TASOR: variants seen among roughly 807,000 people sequenced by gnomAD.
TASOR encodes the protein transcription activation suppressor, also known as protein TASOR.
Under a neutral mutation model 178.6 loss-of-function variants are expected in TASOR, and 53 were observed. That is an observed-to-expected ratio of 0.30 (90% CI 0.24 to 0.37). The LOEUF (loss-of-function observed/expected upper bound fraction) is 0.37, where lower values mean the gene tolerates loss of function less well. TASOR is among the 10% of genes least tolerant of loss of function. TASOR has a pLI of 1.00. For missense variants in TASOR, 1,815 were observed against 1,971.4 expected (o/e 0.92, Z 1.50); for synonymous variants, 713 against 696.2 (o/e 1.02, Z -0.38).
chr3:56,654,456 A>G (rs1248484084), intron 11 of TASOR, among the ~76,000 whole-genome samples: 2 of 152,100 alleles, frequency 1.3e-5, no homozygotes, highest in Non-Finnish European at 2.9e-5. Flanking sequence ...ATATTGGAAA[A>G]CTATAAATAT....
intron 18 of TASOR, among the ~76,000 whole-genome samples, chr3:56,630,755 G>A (rs1025788838): frequency 2.0e-5 from 3 of 152,196 alleles, no homozygotes; most frequent in African/African-American, 7.2e-5. Context: ...TGAGGCAGGA[G>A]AATTGCTTGA....
At chr3:56,636,371 A>T (rs1293521643) in intron 17 of TASOR, among the ~76,000 whole-genome samples, 2 of 151,908 alleles carry the variant, frequency 1.3e-5, no homozygotes, top group African/African-American at 4.8e-5. Flanking sequence ...ATGTCAATCC[A>T]TAATAAAGCT....
intron 23 of TASOR, chr3:56,623,964 T>G (rs2076743992): frequency 2.7e-6 from 2 of 749,982 alleles, no homozygotes; most frequent in Admixed American, 6.8e-5. Context: ...CATTTCTGCT[T>G]TTTTTCATCA....
chr3:56,640,315 T>C (rs558494821), intron 15 of TASOR, among the ~76,000 whole-genome samples, 185 bp from the exon 16 acceptor site: 62 of 152,364 alleles, frequency 4.1e-4, no homozygotes, highest in Non-Finnish European at 7.6e-4. Context: ...CATAATTTTA[T>C]GTTAATTTAG....
chr3:56,670,261 T>C (rs1378208713), intron 3 of TASOR, 116 bp from the exon 4 acceptor site: 3 of 564,512 alleles, frequency 5.3e-6, no homozygotes, highest in South Asian at 3.4e-5. Context: ...TGTATCATTC[T>C]AGATCACAGA....
Position 56,622,989 on chromosome 3 carries a change from T to C in TASOR, c.*48A>G, listed in dbSNP as rs2076720006. ...TGTTTAGAGAATGAAATATAAATTGTTAATAAACAAAGTCCACAACAATCT... is the reference window on the plus strand; with the variant it reads ...TGTTTAGAGAATGAAATATAAATTGCTAATAAACAAAGTCCACAACAATCT... On this transcript the variant is annotated 3_prime_UTR_variant, in exon 24 of 24. Coordinates refer to ENST00000683822, the MANE Select transcript of TASOR (RefSeq NM_001365635.2). The C allele has an allele frequency of 8.1e-7, 1 of 1,230,680 alleles. No individual in the cohort carries two copies. The allele number at this position is 1,230,680 out of a possible 1,614,324, so 76.2% of individuals were successfully genotyped here.
At chr3:56,674,760 C>T (rs60547087) in intron 1 of TASOR, among the ~76,000 whole-genome samples, 30,608 of 152,082 alleles carry the variant, frequency 0.2, 3,451 homozygotes, top group Admixed American at 0.32. Flanking sequence ...CCACTATATG[C>T]CACATGCCAC....
chr3:56,669,048 A>G (rs1222113355), intron 5 of TASOR, among the ~76,000 whole-genome samples: 1 of 142,958 alleles, frequency 7.0e-6, no homozygotes, highest in Non-Finnish European at 1.5e-5. Flanking sequence ...TAATCACTAA[A>G]AGAAAAAAAA....
At chr3:56,655,904 G>A (rs1045702158) in intron 11 of TASOR, among the ~76,000 whole-genome samples, 26 of 152,154 alleles carry the variant, frequency 1.7e-4, no homozygotes, top group African/African-American at 5.8e-4. Context: ...TTATGATGAC[G>A]TGAGATGATG....
At chr3:56,679,668 C>A (rs186582305) in intron 1 of TASOR, among the ~76,000 whole-genome samples, 1 of 152,252 alleles carries the variant, frequency 6.6e-6, no homozygotes, top group Admixed American at 6.5e-5. Context: ...AAACATTAAC[C>A]AATAAACGTT....
At chr3:56,664,620 T>C (rs1339292104) in intron 7 of TASOR, among the ~76,000 whole-genome samples, 1 of 152,248 alleles carries the variant, frequency 6.6e-6, no homozygotes, top group African/African-American at 2.4e-5. Flanking sequence ...TCATGATATA[T>C]GGTTTTAGAA....
chr3:56,646,394 A>T (rs1224137140), intron 14 of TASOR, 128 bp downstream of exon 14: 2 of 726,180 alleles, frequency 2.8e-6, no homozygotes, highest in East Asian at 5.3e-5. Context: ...TTCAAATACA[A>T]CTTTCTTTAC....
intron 2 of TASOR, 91 bp from the exon 3 acceptor site, chr3:56,671,783 C>A: frequency 1.0e-6 from 1 of 960,324 alleles, no homozygotes; most frequent in Non-Finnish European, 1.5e-6. Context: ...AAATCTCACA[C>A]CTACCAAAAT....
At chr3:56,673,012 C>T (rs895746741) in intron 2 of TASOR, among the ~76,000 whole-genome samples, 1 of 151,996 alleles carries the variant, frequency 6.6e-6, no homozygotes, top group Admixed American at 6.6e-5. Flanking sequence ...GGTTTTGCCA[C>T]GTTGGCCAGG....
chr3:56,671,991 A>G (rs1290147755), intron 2 of TASOR, among the ~76,000 whole-genome samples: 5 of 152,120 alleles, frequency 3.3e-5, no homozygotes, highest in Non-Finnish European at 4.4e-5. Flanking sequence ...TGTATCTTCC[A>G]TTTTACTTAA....
At chr3:56,638,220 C>T (rs2077054776) in intron 17 of TASOR, among the ~76,000 whole-genome samples, 1 of 152,042 alleles carries the variant, frequency 6.6e-6, no homozygotes, top group Admixed American at 6.6e-5. Context: ...AAAAAATAAG[C>T]TGGGCATGGT....
intron 1 of TASOR, among the ~76,000 whole-genome samples, chr3:56,681,781 C>T (rs538175329): frequency 6.6e-6 from 1 of 152,130 alleles, no homozygotes; most frequent in Non-Finnish European, 1.5e-5. Context: ...ATTTTGACCT[C>T]CATTAGGAAT....
chr3:56,671,486 A>T, intron 3 of TASOR, 114 bp downstream of exon 3: 1 of 687,490 alleles, frequency 1.5e-6, no homozygotes. Flanking sequence ...CATGTATTCC[A>T]CTTATATATC....
chr3:56,636,197 C>G (rs1275342689), intron 17 of TASOR, among the ~76,000 whole-genome samples: 1 of 151,358 alleles, frequency 6.6e-6, no homozygotes, highest in Non-Finnish European at 1.5e-5. Flanking sequence ...GTAATCTCAG[C>G]TACTCAGGAA....
Sources: gnomAD v4.1 joint callset for allele counts (sites outside exome capture counted in the v4.1 genomes callset) on GRCh38, gnomAD v4.1.1 for gene constraint, MANE v1.5 for transcripts, NCBI Gene and HGNC (gene_info 2026-07-23, HGNC 2026-07-21) for gene names.